ELMO1: variants seen among roughly 807,000 people sequenced by gnomAD.
ELMO1 encodes engulfment and cell motility 1.
In ELMO1, 26 loss-of-function variants were observed where a neutral mutation model predicts 98.9. That is an observed-to-expected ratio of 0.26 (90% confidence interval 0.19 to 0.36). ELMO1 has a LOEUF of 0.36. Among genes scored for constraint, ELMO1 ranks in the 10% least tolerant of loss-of-function variants. The pLI is 1.00. For synonymous variants in ELMO1, 346 were observed against 346.0 expected, an observed-to-expected ratio of 1.00 and a Z score of 0.00; for missense variants, 627 against 935.2, an observed-to-expected ratio of 0.67 and a Z score of 4.30.
chr7:36,925,288 G>C (rs925564202), intron 16 of ELMO1, among the ~76,000 whole-genome samples: 2 of 152,144 alleles, frequency 1.3e-5, no homozygotes, highest in East Asian at 3.8e-4. Context: ...CAAACAAAGC[G>C]ATCATTTTTT....
chr7:36,869,909 A>T (rs1803367695), intron 20 of ELMO1, among the ~76,000 whole-genome samples: 1 of 152,208 alleles, frequency 6.6e-6, no homozygotes, highest in African/African-American at 2.4e-5. Context: ...AGGCCTTTAA[A>T]GTTTTCTAAG....
chr7:37,126,151 G>A (rs1786495587), intron 14 of ELMO1, among the ~76,000 whole-genome samples: 1 of 151,866 alleles, frequency 6.6e-6, no homozygotes. Flanking sequence ...CTGATGTGGG[G>A]TGGGAGGAGT....
intron 16 of ELMO1, among the ~76,000 whole-genome samples, chr7:36,933,377 A>G (rs1173017134): frequency 1.3e-5 from 2 of 152,218 alleles, no homozygotes; most frequent in South Asian, 2.1e-4. Context: ...TTTCTAGTTG[A>G]AGATCCTCAA....
chr7:37,087,711 A>AT (rs1228661058), intron 15 of ELMO1, among the ~76,000 whole-genome samples: 4 of 151,450 alleles, frequency 2.6e-5, no homozygotes, highest in Admixed American at 2.0e-4. Flanking sequence ...TTCATCATCC[A>AT]TTTTTTCATT....
At chr7:37,033,022 G>T (rs1159620065) in intron 15 of ELMO1, among the ~76,000 whole-genome samples, 1 of 152,164 alleles carries the variant, frequency 6.6e-6, no homozygotes, top group Admixed American at 6.5e-5. Flanking sequence ...AAAACGCCGA[G>T]AAGCGATAAA....
intron 13 of ELMO1, among the ~76,000 whole-genome samples, chr7:37,190,438 A>G (rs1309397848): frequency 6.6e-6 from 1 of 152,348 alleles, no homozygotes; most frequent in East Asian, 1.9e-4. Flanking sequence ...GAAGCTAAGC[A>G]TATACTAAGA....
chr7:37,423,278 G>A (rs1474189431), intron 1 of ELMO1, among the ~76,000 whole-genome samples: 2 of 152,116 alleles, frequency 1.3e-5, no homozygotes, highest in Non-Finnish European at 2.9e-5. Context: ...TACTTCTGAG[G>A]CTAAATAAAA....
chr7:36,907,393 C>T (rs1005078688), intron 16 of ELMO1, among the ~76,000 whole-genome samples: 1 of 152,152 alleles, frequency 6.6e-6, no homozygotes, highest in Admixed American at 6.5e-5. Context: ...CAGAAGAGTG[C>T]TTTCCAAAGT....
At chr7:37,372,508 CA>C (rs1802159947) in intron 1 of ELMO1, among the ~76,000 whole-genome samples, 1 of 152,184 alleles carries the variant, frequency 6.6e-6, no homozygotes, top group Admixed American at 6.5e-5. Context: ...CAAAGTCAAG[CA>C]GGTCAAAATA....
chr7:37,233,010 C>T (rs1794266473), intron 8 of ELMO1, 85 bp downstream of exon 8: 1 of 1,187,080 alleles, frequency 8.4e-7, no homozygotes, highest in South Asian at 1.5e-5. Context: ...AAAGGAAAGA[C>T]AATTATGAAA....
intron 18 of ELMO1, among the ~76,000 whole-genome samples, chr7:36,881,000 C>T (rs984680305): frequency 3.9e-5 from 6 of 152,192 alleles, no homozygotes; most frequent in Non-Finnish European, 7.3e-5. Context: ...CTGGCTAATT[C>T]TCTTATCCTA....
intron 1 of ELMO1, among the ~76,000 whole-genome samples, chr7:37,417,557 G>A (rs757379776): frequency 3.3e-5 from 5 of 152,056 alleles, no homozygotes; most frequent in Non-Finnish European, 7.4e-5. Flanking sequence ...CCAGCTACTC[G>A]GGAGGCTGAG....
intron 1 of ELMO1, among the ~76,000 whole-genome samples, chr7:37,430,225 A>G (rs903014665): frequency 2.6e-5 from 4 of 152,228 alleles, no homozygotes; most frequent in Non-Finnish European, 4.4e-5. Flanking sequence ...TTTGGCCAAC[A>G]GGACACAGGC....
intron 4 of ELMO1, among the ~76,000 whole-genome samples, chr7:37,308,521 G>C (rs1012974357): frequency 6.6e-6 from 1 of 152,050 alleles, no homozygotes; most frequent in African/African-American, 2.4e-5. Context: ...CTTCCTCAAG[G>C]CTTAATTAGG....
At chr7:37,332,505 A>C (rs1205296139) in intron 2 of ELMO1, among the ~76,000 whole-genome samples, 1 of 152,228 alleles carries the variant, frequency 6.6e-6, no homozygotes, top group Non-Finnish European at 1.5e-5. Flanking sequence ...CGGTCTGAAG[A>C]GTCAGAAAAG....
chr7:37,039,316 C>A (rs1041860369), intron 15 of ELMO1, among the ~76,000 whole-genome samples: 6 of 152,132 alleles, frequency 3.9e-5, no homozygotes, highest in African/African-American at 1.4e-4. Context: ...ATAATAAGAG[C>A]TGCTTTGACG....
intron 13 of ELMO1, among the ~76,000 whole-genome samples, chr7:37,168,334 C>T (rs1789876374): frequency 6.6e-6 from 1 of 152,248 alleles, no homozygotes; most frequent in African/African-American, 2.4e-5. Context: ...CTTCTCTGAA[C>T]TTGTCAAAGT....
intron 1 of ELMO1, among the ~76,000 whole-genome samples, chr7:37,417,475 A>G (rs1804271926): frequency 6.6e-6 from 1 of 152,162 alleles, no homozygotes; most frequent in Non-Finnish European, 1.5e-5. Flanking sequence ...TCTGGCTAAC[A>G]TGGTGAAACC....
chr7:36,881,722 G>C (rs1205891900), intron 18 of ELMO1, among the ~76,000 whole-genome samples: 2 of 152,192 alleles, frequency 1.3e-5, no homozygotes, highest in Non-Finnish European at 2.9e-5. Flanking sequence ...AGCCTGGTAA[G>C]AAGGGCTGAT....
Sources: allele counts gnomAD v4.1 joint callset (sites outside exome capture counted in the v4.1 genomes callset), GRCh38; gene constraint gnomAD v4.1.1; transcripts MANE v1.5; gene names NCBI Gene and HGNC (gene_info 2026-07-23, HGNC 2026-07-21).